The following ADCY4 variants were observed in gnomAD, a reference collection of about 807,000 sequenced individuals.
ADCY4 encodes adenylate cyclase type 4.
ADCY4 carries 111 observed loss-of-function variants against 125.5 expected under a neutral mutation model. The ratio of observed to expected loss-of-function variants is 0.88; its 90% CI spans 0.76 to 1.04. The LOEUF (loss-of-function observed/expected upper bound fraction) is 1.04. ADCY4 is among the 50% of genes least tolerant of loss of function. The pLI, the probability that ADCY4 is intolerant of heterozygous loss-of-function variation, is 0.00. For missense variants in ADCY4, 1,256 were observed against 1,382.9 expected (o/e 0.91, Z 1.46); for synonymous variants, 576 against 586.9 (o/e 0.98, Z 0.27).
intron 16 of ADCY4, 22 bp from the exon 17 acceptor site, chr14:24,323,476 G>C: frequency 6.4e-7 from 1 of 1,551,254 alleles, no homozygotes; most frequent in African/African-American, 1.4e-5. Flanking sequence ...ATGAGGAGTT[G>C]AAGAGGCAGG....
At chr14:24,329,786 C>T in intron 8 of ADCY4, 74 bp downstream of exon 8, 2 of 1,561,356 alleles carry the variant, frequency 1.3e-6, no homozygotes, top group Non-Finnish European at 1.7e-6. Flanking sequence ...TCTTAAGGAA[C>T]TAATGAAAGG....
chr14:24,324,747 T>G (rs1257956826), intron 14 of ADCY4, among the ~76,000 whole-genome samples: 1 of 151,708 alleles, frequency 6.6e-6, no homozygotes, highest in South Asian at 2.1e-4. Context: ...TCTGTTGCCC[T>G]GGCTGGAGTG....
intron 2 of ADCY4, 21 bp from the exon 3 acceptor site, chr14:24,332,704 G>C (rs1023205586): frequency 5.1e-6 from 8 of 1,576,510 alleles, no homozygotes; most frequent in Non-Finnish European, 6.9e-6. Context: ...GGCGCGGGAA[G>C]CCGAAGGCCC....
In ADCY4 at chr14:24,324,393, TG is replaced by T; in HGVS notation, c.1824-3del. ...TACGTGATGGCCAGAGCTGGGGGCC[TG>T]AAGGGAGACAAAAGCGAGGCCTTGA... is the stretch of plus-strand genomic sequence containing the variant. On this transcript the variant is annotated splice_region_variant and splice_polypyrimidine_tract_variant and intron_variant, in intron 14 of 24. Transcript: ENST00000418030. 1 of 1,612,602 alleles carries T rather than the reference TG, an allele frequency of 6.2e-7. No individual in the cohort carries two copies. The highest frequency in any genetic ancestry group is 1.1e-5 in the South Asian group (1 of 91,040).
At chr14:24,322,731 T>A (rs750126814) in intron 18 of ADCY4, 23 bp from the exon 19 acceptor site, 2 of 1,611,254 alleles carry the variant, frequency 1.2e-6, no homozygotes, top group African/African-American at 1.3e-5. Flanking sequence ...TGGATCAGGG[T>A]GACCCCTTGC....
rs1359426405 is a variant in ADCY4, at chr14:24,329,142, G to A, written c.1443C>T (p.Tyr481=). 1 of 1,614,022 alleles carries A rather than the reference G, an allele frequency of 6.2e-7. No homozygotes were observed. The highest frequency in any genetic ancestry group is 1.1e-5 in the South Asian group (1 of 91,086). Residue 481 remains tyrosine, a synonymous_variant, in exon 10 of 25, where the codon TAC becomes TAT. Coordinates refer to ENST00000418030, the MANE Select transcript of ADCY4 (RefSeq NM_001198568.2). ...GCTTGGCTGCGCCCCAGGACTCCAG[G>A]TAACGGGTCATCAGCAGTGATGGAC... ...KMRPSLLMTR[Y]LESWGAAKPF...
At position 24,319,018 on chromosome 14, in the gene ADCY4, A is replaced by G; in HGVS notation, c.2956+80T>C. ...AGGGGCTTCAGGATGAACTGGGAGC[A>G]GCTAACAAAGGACTTGGAGTGGGGC... On this transcript the variant is annotated intron_variant, in intron 23 of 24. Coordinates refer to ENST00000418030, the MANE Select transcript of ADCY4 (RefSeq NM_001198568.2). The surrounding 1 kb of genome is among the most constrained non-coding windows in gnomAD (Gnocchi z 4.5). The G allele has an allele frequency of 6.5e-7, 1 of 1,532,628 alleles. No homozygotes were observed. The highest frequency in any genetic ancestry group is 9.0e-7 in the Non-Finnish European group (1 of 1,113,536). 94.9% of individuals were successfully genotyped at this position (1,532,628 alleles called of 1,614,324 possible). A position where few individuals can be genotyped will look rare whatever the true frequency, so the allele number is the denominator to read the frequency against.
chr14:24,333,024 G>A (rs1190730776), intron 1 of ADCY4, 36 bp from the exon 2 acceptor site: 4 of 1,494,842 alleles, frequency 2.7e-6, no homozygotes, highest in Non-Finnish European at 3.6e-6. Flanking sequence ...GATTGTGACA[G>A]GGAGAAGGAA....
chr14:24,329,070 G>A lies in ADCY4; in HGVS notation c.1515C>T (p.Thr505=). The A allele has an allele frequency of 6.2e-7, 1 of 1,613,494 alleles. No individual in the cohort carries two copies. The highest frequency in any genetic ancestry group is 8.5e-7 in the Non-Finnish European group (1 of 1,179,704). The stretch of plus-strand genomic sequence containing the variant: ...ATGAAGGTGCACATACCGGGAGAGG[G>A]GTGGAGGTGGACACAGGGCTGTCTC... The part of the protein sequence containing the change: ...SHGDSPVSTS[T]PLPEKTLASF... The change falls in exon 10 of 25, where the codon ACC becomes ACT. Residue 505 remains threonine (T), a synonymous_variant. Coordinates refer to ENST00000418030, the MANE Select transcript of ADCY4 (RefSeq NM_001198568.2).
rs771402915 is a variant in ADCY4 at position 24,318,792 on chromosome 14, T to C, written c.2957-14A>G. 6.2e-6 allele frequency: 10 copies of C among 1,613,498 alleles called. No homozygotes were observed. The highest frequency in any genetic ancestry group is 8.5e-6 in the Non-Finnish European group (10 of 1,179,822). ...CATGGTTCAACCCTAATGAGGGATG[T>C]GGTAATGACAGACTTGGAGAAGGAA... On this transcript the variant is annotated splice_polypyrimidine_tract_variant and intron_variant, in intron 23 of 24. Transcript: ENST00000418030.
chr14:24,330,293 C>A lies in ADCY4; in HGVS notation c.933G>T (p.Glu311Asp). The change falls in exon 7 of 25, where the codon GAG becomes GAT. Residue 311 changes from glutamate to aspartate, a missense_variant and splice_region_variant. Physicochemically the swap from Glu to Asp is conservative, Grantham distance 45. Transcript: ENST00000418030. ...LFGKFDQIAK[E>D]HECMRIKILG... ...GGATCTTGATCCGCATGCATTCATG[C>A]TCCTGGGAGTGTGTATGTGGGTGTG... The A allele has an allele frequency of 6.2e-7, 1 of 1,614,138 alleles. No individual in the cohort carries two copies. Among genetic ancestry groups the A allele is most frequent in the Non-Finnish European group, 8.5e-7 (1 of 1,180,036 alleles).
intron 19 of ADCY4, 33 bp from the exon 20 acceptor site, chr14:24,322,257 A>C (rs1445593341): frequency 2.1e-5 from 34 of 1,594,454 alleles, no homozygotes; most frequent in Admixed American, 6.8e-5. Flanking sequence ...ATGGGGAGAC[A>C]CAGAGCAGGG....
Position 24,318,651 on chromosome 14 carries a change from C to G in ADCY4, c.3081+3G>C, listed in dbSNP as rs1291415216. The G allele has an allele frequency of 1.7e-5, 28 of 1,614,156 alleles. No individual in the cohort carries two copies. The highest frequency in any genetic ancestry group is 2.3e-5 in the Non-Finnish European group (27 of 1,180,012). The stretch of plus-strand genomic sequence containing the variant: ...CCCTATGCCTCCAATGTGGTTCCCT[C>G]ACTTGGATTTTGCCAAGGACTCCTG... On this transcript the variant is annotated splice_donor_region_variant and intron_variant, in intron 24 of 24. Transcript: ENST00000418030.
At chr14:24,322,821 C>T (rs1050259646) in intron 18 of ADCY4, 83 bp downstream of exon 18, 20 of 1,539,634 alleles carry the variant, frequency 1.3e-5, no homozygotes, top group South Asian at 7.2e-5. Flanking sequence ...TGATTCAGGT[C>T]GGTGAGGCCA....
intron 17 of ADCY4, 70 bp downstream of exon 17, chr14:24,323,273 CT>C: frequency 1.4e-6 from 2 of 1,464,136 alleles, no homozygotes; most frequent in Non-Finnish European, 1.9e-6. Context: ...CGTTCCTCCA[CT>C]CAGGGGGCTG....
rs1197123196 is a variant in ADCY4 at position 24,332,621 on chromosome 14, G to T, written c.420C>A (p.Asp140Glu). ...AYAMLPLGMRDAAVAGLASSL... is the reference protein window; with the variant it reads ...AYAMLPLGMREAAVAGLASSL... The stretch of plus-strand genomic sequence containing the variant: ...AGGAGGCGAGGCCCGCGACGGCGGC[G>T]TCCCGCATGCCCAAGGGCAGCATGG... The change falls in exon 3 of 25, where the codon GAC becomes GAA. Residue 140 changes from aspartate to glutamate, a missense_variant. Asp to Glu is a conservative substitution (Grantham distance 45). Coordinates refer to ENST00000418030, the MANE Select transcript of ADCY4 (RefSeq NM_001198568.2). 2 of 1,582,222 alleles carry T rather than the reference G, an allele frequency of 1.3e-6. No homozygotes were observed. Among genetic ancestry groups the T allele is most frequent in the Admixed American group, 1.8e-5 (1 of 54,668 alleles).
At chr14:24,326,809 G>A (rs1020684665) in intron 10 of ADCY4, among the ~76,000 whole-genome samples, 1 of 151,702 alleles carries the variant, frequency 6.6e-6, no homozygotes, top group African/African-American at 2.4e-5. Context: ...GGTCAGGCTG[G>A]TCTCAAACTG....
At chr14:24,326,040 AG>A (rs2041937270) in intron 12 of ADCY4, 38 bp downstream of exon 12, 1 of 1,571,516 alleles carries the variant, frequency 6.4e-7, no homozygotes, top group East Asian at 2.2e-5. Context: ...ATATGACCTC[AG>A]GGCCTGCGGC....
intron 10 of ADCY4, among the ~76,000 whole-genome samples, chr14:24,327,917 T>C (rs2041974583): frequency 1.3e-5 from 2 of 152,240 alleles, no homozygotes; most frequent in African/African-American, 4.8e-5. Flanking sequence ...TATGATTATA[T>C]ATGAGTATCA....
Sources: allele counts gnomAD v4.1 joint callset (sites outside exome capture counted in the v4.1 genomes callset), GRCh38; gene constraint gnomAD v4.1.1; non-coding constraint Gnocchi (gnomAD v3.1); transcripts MANE v1.5; gene names NCBI Gene and HGNC (gene_info 2026-07-23, HGNC 2026-07-21).